Variants in ATP6V1G3 observed in about 807,000 individuals in gnomAD.
ATP6V1G3 encodes the protein V-type proton ATPase subunit G 3.
A neutral mutation model predicts 9.3 loss-of-function variants in ATP6V1G3; 9 were observed. That is an observed-to-expected ratio of 0.97 (90% confidence interval 0.59 to 1.69). The LOEUF is 1.69. Ranked by LOEUF, ATP6V1G3 falls within the 40% of genes most tolerant of loss-of-function variation. ATP6V1G3 has a pLI of 0.00. For missense variants in ATP6V1G3, 133 were observed against 139.0 expected (o/e 0.96, Z 0.22); for synonymous variants, 43 against 43.8 (o/e 0.98, Z 0.07).
chr1:198,529,071 T>C lies in ATP6V1G3; in HGVS notation c.183+10A>G. 1 of 1,377,136 alleles carries C rather than the reference T, an allele frequency of 7.3e-7. No individual in the cohort carries two copies. Among genetic ancestry groups the C allele is most frequent in the African/African-American group, 1.5e-5 (1 of 67,610 alleles). 85.3% of individuals were successfully genotyped at this position (1,377,136 alleles called of 1,614,324 possible). The stretch of plus-strand genomic sequence containing the variant: ...TCTGCATAAGAAACAGTGCTGACTT[T>C]CTTACTCACCTTAGATTGTTTTAGT... On this transcript the variant is annotated intron_variant, in intron 2 of 2. Transcript: ENST00000367382.
upstream of ATP6V1G3, chr1:198,540,756 G>T: frequency 8.4e-7 from 1 of 1,191,410 alleles, no homozygotes; most frequent in Non-Finnish European, 1.2e-6. Flanking sequence ...TCAACAGCAA[G>T]TTCCAAATGC....
chr1:198,535,893 C>A (rs1052175224), intron 1 of ATP6V1G3, among the ~76,000 whole-genome samples: 19 of 152,144 alleles, frequency 1.2e-4, no homozygotes, highest in African/African-American at 4.6e-4. Flanking sequence ...TGGGAGAAAG[C>A]TAGAGCAGTG....
At chr1:198,529,765 A>C (rs1023337415) in intron 1 of ATP6V1G3, among the ~76,000 whole-genome samples, 1 of 152,078 alleles carries the variant, frequency 6.6e-6, no homozygotes, top group Non-Finnish European at 1.5e-5. Context: ...GCCTCAATAC[A>C]TCAAAGCAAT....
At chr1:198,531,113 G>T (rs1458258067) in intron 1 of ATP6V1G3, among the ~76,000 whole-genome samples, 1 of 152,140 alleles carries the variant, frequency 6.6e-6, no homozygotes, top group Admixed American at 6.6e-5. Flanking sequence ...CTCAGAGCGT[G>T]TCTGTGATTC....
upstream of ATP6V1G3, chr1:198,540,790 G>C: frequency 1.2e-6 from 1 of 858,822 alleles, no homozygotes; most frequent in Non-Finnish European, 1.9e-6. Flanking sequence ...TGGCTTTATT[G>C]GGCTGGATAG....
chr1:198,529,831 C>A lies in ATP6V1G3; in HGVS notation c.83-650G>T, dbSNP rs76465576. Among the ~76,000 whole-genome samples, 175 of 151,928 alleles carry A rather than the reference C, an allele frequency of 1.2e-3. 1 individual carries two copies. The highest frequency in any genetic ancestry group is 4.1e-3 in the African/African-American group (170 of 41,416). The stretch of plus-strand genomic sequence containing the variant: ...ACTTGCTTGAAAGTGGCTATAAAAC[C>A]AATTGTTTTTAATGATTAGGAGATT... On this transcript the variant is annotated intron_variant, in intron 1 of 2. Coordinates refer to ENST00000367382, the MANE Select transcript of ATP6V1G3 (RefSeq NM_001376861.1).
At chr1:198,528,209 A>G (rs1659741012) in intron 2 of ATP6V1G3, among the ~76,000 whole-genome samples, 1 of 151,986 alleles carries the variant, frequency 6.6e-6, no homozygotes, top group South Asian at 2.1e-4. Flanking sequence ...TCTAGAAAGG[A>G]CCTTTTTTAT....
chr1:198,531,899 TTTAA>T (rs1296956274), intron 1 of ATP6V1G3, among the ~76,000 whole-genome samples: 4 of 152,124 alleles, frequency 2.6e-5, no homozygotes, highest in African/African-American at 9.7e-5. Context: ...AAAGTAGTTG[TTTAA>T]TTATTTTAAA....
intron 1 of ATP6V1G3, among the ~76,000 whole-genome samples, chr1:198,532,412 A>G (rs1571717474): frequency 6.6e-6 from 1 of 152,162 alleles, no homozygotes; most frequent in East Asian, 1.9e-4. Flanking sequence ...GAAATAAGAG[A>G]TATTTAATCA....
chr1:198,534,127 G>A (rs1193065580), intron 1 of ATP6V1G3, among the ~76,000 whole-genome samples: 1 of 152,192 alleles, frequency 6.6e-6, no homozygotes, highest in Non-Finnish European at 1.5e-5. Context: ...GAAAACATAT[G>A]TTGGAGTCCT....
chr1:198,531,072 C>T (rs1451405579), intron 1 of ATP6V1G3, among the ~76,000 whole-genome samples: 2 of 152,086 alleles, frequency 1.3e-5, no homozygotes, highest in Non-Finnish European at 2.9e-5. Context: ...CACTAAGAGG[C>T]TGTATATTAG....
chr1:198,537,195 T>A (rs1220454942), intron 1 of ATP6V1G3, among the ~76,000 whole-genome samples: 1 of 152,160 alleles, frequency 6.6e-6, no homozygotes, highest in Admixed American at 6.5e-5. Context: ...ATACATCAGG[T>A]TCATAATCCC....
At chr1:198,526,338 A>G (rs1659650194) in intron 2 of ATP6V1G3, among the ~76,000 whole-genome samples, 1 of 152,158 alleles carries the variant, frequency 6.6e-6, no homozygotes, top group Admixed American at 6.6e-5. Flanking sequence ...TCTGGCACTT[A>G]GTAGATGCTC....
At chr1:198,540,457 T>C in intron 1 of ATP6V1G3, 112 bp downstream of exon 1, 1 of 1,040,776 alleles carries the variant, frequency 9.6e-7, no homozygotes, top group Non-Finnish European at 1.5e-6. Context: ...TCACAGGGAG[T>C]ACAGTAAACC....
chr1:198,531,181 G>A lies in ATP6V1G3; in HGVS notation c.83-2000C>T, dbSNP rs544552302. Reference sequence around the variant, plus strand: ...CATTCAATTAAATGGGAGAGCCACAGGGAAATCGTTGCTGGCACAGCAATT... The same window carrying A: ...CATTCAATTAAATGGGAGAGCCACAAGGAAATCGTTGCTGGCACAGCAATT... On this transcript the variant is annotated intron_variant, in intron 1 of 2. Transcript: ENST00000367382. Among the ~76,000 whole-genome samples, 5 of 152,190 alleles carry A rather than the reference G, an allele frequency of 3.3e-5. No homozygotes were observed. In the South Asian group the frequency reaches 1.0e-3, roughly 32 times the overall value.
At chr1:198,532,268 C>T (rs1037891785) in intron 1 of ATP6V1G3, among the ~76,000 whole-genome samples, 2 of 152,116 alleles carry the variant, frequency 1.3e-5, no homozygotes, top group African/African-American at 2.4e-5. Flanking sequence ...GGAATATTAA[C>T]ACTCAACCTT....
chr1:198,523,643 A>G, intron 2 of ATP6V1G3, 79 bp from the exon 3 acceptor site: 1 of 1,358,170 alleles, frequency 7.4e-7, no homozygotes, highest in Non-Finnish European at 1.0e-6. Flanking sequence ...CTGTTTACTG[A>G]TGATTGTCCT....
At chr1:198,528,715 T>C (rs1181649491) in intron 2 of ATP6V1G3, among the ~76,000 whole-genome samples, 2 of 152,044 alleles carry the variant, frequency 1.3e-5, no homozygotes, top group Non-Finnish European at 2.9e-5. Context: ...TAACCATATA[T>C]ATTTATATAA....
chr1:198,530,058 T>TG (rs1440871301), intron 1 of ATP6V1G3, among the ~76,000 whole-genome samples: 15 of 152,162 alleles, frequency 9.9e-5, no homozygotes, highest in African/African-American at 3.4e-4. Context: ...CCCACCACCT[T>TG]GGGGCTTAGC....
Sources: gnomAD v4.1 joint callset for allele counts (sites outside exome capture counted in the v4.1 genomes callset) on GRCh38, gnomAD v4.1.1 for gene constraint, MANE v1.5 for transcripts, NCBI Gene and HGNC (gene_info 2026-07-23, HGNC 2026-07-21) for gene names.